The following SLC25A21 variants were observed in gnomAD, a reference collection of about 807,000 sequenced individuals.
The protein encoded by SLC25A21 is solute carrier family 25 member 21.
A neutral mutation model predicts 43.8 loss-of-function variants in SLC25A21; 47 were observed. The ratio of observed to expected loss-of-function variants is 1.07; its 90% CI spans 0.85 to 1.37. The LOEUF is 1.37. Ranked by LOEUF, SLC25A21 falls within the 40% of genes most tolerant of loss-of-function variation. The pLI is 0.00. For synonymous variants in SLC25A21, 131 were observed against 121.3 expected, an observed-to-expected ratio of 1.08 and a Z score of -0.52; for missense variants, 352 against 350.2, an observed-to-expected ratio of 1.00 and a Z score of -0.04.
rs1397904925 is a variant in SLC25A21 at position 36,776,234 on chromosome 14, C to CTTTTTTTTTTTTTTTTTTTTTTTT, written c.203+37683_203+37684insAAAAAAAAAAAAAAAAAAAAAAAA. ...CTTTCTTTTTTCTTTTTCTTTCTTT[C>CTTTTTTTTTTTTTTTTTTTTTTTT]TTTCTTTTTTTTTTTTTTTTGAGAT... On this transcript the variant is annotated intron_variant, in intron 3 of 9. Transcript: ENST00000331299. Among the ~76,000 whole-genome samples, 21 of 75,760 alleles carry CTTTTTTTTTTTTTTTTTTTTTTTT rather than the reference C, an allele frequency of 2.8e-4. 2 individuals are homozygous for CTTTTTTTTTTTTTTTTTTTTTTTT. Among genetic ancestry groups the CTTTTTTTTTTTTTTTTTTTTTTTT allele is most frequent in the African/African-American group, 1.1e-3 (19 of 17,576 alleles). The allele number at this position is 75,760 out of a possible 152,430, so 49.7% of individuals were successfully genotyped here.
At chr14:36,899,503 G>A (rs1029160667) in intron 1 of SLC25A21, among the ~76,000 whole-genome samples, 6 of 152,298 alleles carry the variant, frequency 3.9e-5, no homozygotes, top group African/African-American at 1.4e-4. Flanking sequence ...CTTGCCTACA[G>A]GGAGAATGGT....
intron 1 of SLC25A21, among the ~76,000 whole-genome samples, chr14:36,902,763 A>G (rs848695): frequency 0.48 from 72,903 of 151,508 alleles, 19,397 homozygotes; most frequent in East Asian, 0.99. Context: ...TTTAGCGGCC[A>G]AGGTGGGACA....
At chr14:36,783,749 G>A (rs1400960730) in intron 3 of SLC25A21, among the ~76,000 whole-genome samples, 1 of 152,138 alleles carries the variant, frequency 6.6e-6, no homozygotes, top group Non-Finnish European at 1.5e-5. Flanking sequence ...CTTCTCTACT[G>A]AGAAAACAAA....
At chr14:36,840,752 G>A (rs1440366973) in intron 2 of SLC25A21, among the ~76,000 whole-genome samples, 1 of 152,154 alleles carries the variant, frequency 6.6e-6, no homozygotes, top group African/African-American at 2.4e-5. Context: ...AGTAATTTGT[G>A]ACTTCCAAAA....
chr14:36,716,094 A>C lies in SLC25A21; in HGVS notation c.439-4612T>G, dbSNP rs551325546. Among the ~76,000 whole-genome samples, 4 of 152,224 alleles carry C rather than the reference A, an allele frequency of 2.6e-5. No individual in the cohort carries two copies. In the South Asian group the frequency reaches 8.3e-4, roughly 32 times the overall value. On this transcript the variant is annotated intron_variant, in intron 6 of 9. Coordinates refer to ENST00000331299, the MANE Select transcript of SLC25A21 (RefSeq NM_030631.4). Reference sequence around the variant, plus strand: ...AGACAGAGTGAGACTCTGTCTCAAAAATAATAAATAAATAAATAAATAAAT... The same window carrying C: ...AGACAGAGTGAGACTCTGTCTCAAACATAATAAATAAATAAATAAATAAAT...
At chr14:36,879,007 A>G (rs1890630150) in intron 1 of SLC25A21, among the ~76,000 whole-genome samples, 2 of 152,210 alleles carry the variant, frequency 1.3e-5, no homozygotes, top group South Asian at 4.1e-4. Context: ...AATACATAAG[A>G]ACTTAAATAT....
chr14:36,976,406 G>C (rs958270037), intron 1 of SLC25A21, among the ~76,000 whole-genome samples: 8 of 152,084 alleles, frequency 5.3e-5, no homozygotes, highest in African/African-American at 1.9e-4. Flanking sequence ...AAGGCTCAGA[G>C]CTTCACATTT....
intron 9 of SLC25A21, among the ~76,000 whole-genome samples, chr14:36,681,167 G>A (rs1433489274): frequency 6.6e-6 from 1 of 152,316 alleles, no homozygotes; most frequent in Admixed American, 6.5e-5. Context: ...CTTGATGGAT[G>A]AGTCTAGTTT....
chr14:36,876,938 TACAC>T (rs375516734), intron 1 of SLC25A21, among the ~76,000 whole-genome samples: 1,757 of 76,710 alleles, frequency 0.023, 11 homozygotes, highest in Non-Finnish European at 0.03. Context: ...GATAGATAGA[TACAC>T]ACACACACAT....
At chr14:36,861,184 T>TTA (rs1355622805) in intron 2 of SLC25A21, among the ~76,000 whole-genome samples, 1 of 152,218 alleles carries the variant, frequency 6.6e-6, no homozygotes, top group Non-Finnish European at 1.5e-5. Context: ...TCCAAGAATG[T>TTA]TAAACACTTT....
intron 1 of SLC25A21, among the ~76,000 whole-genome samples, chr14:37,092,642 C>A (rs1962610718): frequency 6.6e-6 from 1 of 152,090 alleles, no homozygotes; most frequent in South Asian, 2.1e-4. Flanking sequence ...TCGTTCCTCT[C>A]TGGGAGAACT....
At chr14:37,130,344 G>A (rs1448361477) in intron 1 of SLC25A21, among the ~76,000 whole-genome samples, 1 of 152,110 alleles carries the variant, frequency 6.6e-6, no homozygotes, top group African/African-American at 2.4e-5. Flanking sequence ...CATAGTATAA[G>A]AATGACAAAG....
chr14:37,000,501 G>A (rs1960464338), intron 1 of SLC25A21, among the ~76,000 whole-genome samples: 3 of 152,020 alleles, frequency 2.0e-5, no homozygotes, highest in African/African-American at 7.3e-5. Flanking sequence ...GCTGTCCTCT[G>A]ATACATCCAT....
intron 1 of SLC25A21, among the ~76,000 whole-genome samples, chr14:36,958,327 C>A (rs1193739224): frequency 1.3e-5 from 2 of 152,172 alleles, no homozygotes; most frequent in Non-Finnish European, 2.9e-5. Flanking sequence ...ACATTCATTT[C>A]CAAGTTTTGT....
At chr14:37,113,868 A>AAG (rs1963062864) in intron 1 of SLC25A21, among the ~76,000 whole-genome samples, 1 of 151,530 alleles carries the variant, frequency 6.6e-6, no homozygotes, top group South Asian at 2.1e-4. Context: ...AAAAAAAAAA[A>AAG]AAGAAATAAT....
chr14:36,736,477 AGAGT>A (rs909320708), intron 3 of SLC25A21, among the ~76,000 whole-genome samples: 54 of 152,320 alleles, frequency 3.5e-4, no homozygotes, highest in Non-Finnish European at 6.0e-4. Context: ...TTTGGCATAA[AGAGT>A]GACCAAGCAT....
chr14:36,869,272 T>C (rs1369241212), intron 2 of SLC25A21, among the ~76,000 whole-genome samples: 1 of 151,980 alleles, frequency 6.6e-6, no homozygotes, highest in Non-Finnish European at 1.5e-5. Context: ...ATACTCAGAG[T>C]GGGTGTATTC....
intron 7 of SLC25A21, among the ~76,000 whole-genome samples, chr14:36,703,022 A>G (rs746036923): frequency 1.3e-5 from 2 of 152,212 alleles, no homozygotes; most frequent in Admixed American, 6.5e-5. Context: ...AATTTTATAG[A>G]TAATAGGTAC....
chr14:36,731,735 A>T (rs536337838), intron 4 of SLC25A21, among the ~76,000 whole-genome samples: 1 of 152,246 alleles, frequency 6.6e-6, no homozygotes, highest in East Asian at 1.9e-4. Flanking sequence ...GCAGGCGTGC[A>T]CTGGTCAATA....
Sources: gnomAD v4.1 joint callset for allele counts (sites outside exome capture counted in the v4.1 genomes callset) on GRCh38, gnomAD v4.1.1 for gene constraint, MANE v1.5 for transcripts, NCBI Gene and HGNC (gene_info 2026-07-23, HGNC 2026-07-21) for gene names.